Variants in DAB1 observed in about 807,000 individuals in gnomAD.
The protein encoded by DAB1 is disabled homolog 1.
DAB1 carries 15 observed loss-of-function variants against 64.6 expected under a neutral mutation model. The observed-to-expected ratio is 0.23, with a 90% CI of 0.16 to 0.36. The LOEUF is 0.36. Among genes scored for constraint, DAB1 ranks in the 10% least tolerant of loss-of-function variants. The pLI, the probability that DAB1 is intolerant of heterozygous loss-of-function variation, is 1.00. For synonymous variants in DAB1, 235 were observed against 251.9 expected (o/e 0.93, Z 0.64); for missense variants, 596 against 706.7 (o/e 0.84, Z 1.78).
At chr1:58,200,688 T>A (rs976379095) in intron 4 of DAB1, among the ~76,000 whole-genome samples, 2 of 152,174 alleles carry the variant, frequency 1.3e-5, no homozygotes, top group African/African-American at 4.8e-5. Flanking sequence ...TTCAATTGAT[T>A]TTTTTTACAT....
chr1:58,047,649 T>C (rs1385420191), intron 5 of DAB1, among the ~76,000 whole-genome samples: 1 of 152,204 alleles, frequency 6.6e-6, no homozygotes, highest in East Asian at 1.9e-4. Context: ...AGTAATCACA[T>C]TGAATTACAG....
chr1:58,087,930 G>A (rs1307115321), intron 5 of DAB1, among the ~76,000 whole-genome samples: 1 of 152,186 alleles, frequency 6.6e-6, no homozygotes, highest in African/African-American at 2.4e-5. Flanking sequence ...TATGAATTAA[G>A]TATAGTTCCT....
At chr1:57,212,525 G>C (rs1020321091) in intron 2 of DAB1, among the ~76,000 whole-genome samples, 2 of 151,414 alleles carry the variant, frequency 1.3e-5, no homozygotes, top group South Asian at 2.1e-4. Flanking sequence ...CTGCCACCAC[G>C]CCTGGCTAAC....
intron 4 of DAB1, among the ~76,000 whole-genome samples, chr1:58,185,732 G>A (rs1218145673): frequency 6.6e-6 from 1 of 152,120 alleles, no homozygotes; most frequent in Non-Finnish European, 1.5e-5. Flanking sequence ...TGCCTAGATA[G>A]GCCACCCTCA....
intron 6 of DAB1, among the ~76,000 whole-genome samples, chr1:57,684,860 A>G (rs1435272602): frequency 6.6e-6 from 1 of 152,206 alleles, no homozygotes; most frequent in Non-Finnish European, 1.5e-5. Flanking sequence ...GCTGTTTCCC[A>G]TGTAATTATA....
rs767187448 is a variant in DAB1 at position 57,023,602 on chromosome 1, G to A, written c.824C>T (p.Ser275Leu). ...TGCACTCGCTGGAAGGGTCTGAGAT[G>A]AAGATGGGATAAAGGCATCACCTGG... ...ATPGDAFIPS[S>L]SQTLPASADV... The change falls in exon 11 of 15, where the codon TCA (serine) becomes TTA (leucine). Residue 275 changes from serine to leucine, a missense_variant. Ser to Leu is a moderately radical substitution (Grantham distance 145). This residue lies in a region of DAB1 where 377 missense variants were observed against 400.4 expected (regional missense o/e 0.94). Coordinates refer to ENST00000371236, the MANE Select transcript of DAB1 (RefSeq NM_001365792.1). 2 of 1,612,704 alleles carry A rather than the reference G, an allele frequency of 1.2e-6. No homozygotes were observed. The highest frequency in any genetic ancestry group is 2.2e-5 in the South Asian group (2 of 90,398).
At chr1:58,117,211 C>T (rs1652391525) in intron 5 of DAB1, among the ~76,000 whole-genome samples, 1 of 152,178 alleles carries the variant, frequency 6.6e-6, no homozygotes, top group African/African-American at 2.4e-5. Flanking sequence ...AGAGGCTTCC[C>T]TGCCTACCAA....
intron 4 of DAB1, among the ~76,000 whole-genome samples, chr1:57,116,480 A>AAAAAAAG (rs1553144211): frequency 2.3e-5 from 3 of 131,304 alleles, no homozygotes; most frequent in Non-Finnish European, 3.1e-5. Flanking sequence ...AAAAAAAAAA[A>AAAAAAAG]AAAGAAAGAA....
At chr1:57,196,752 T>C (rs2100242658) in intron 2 of DAB1, among the ~76,000 whole-genome samples, 1 of 152,346 alleles carries the variant, frequency 6.6e-6, no homozygotes, top group East Asian at 1.9e-4. Flanking sequence ...TATACGATAA[T>C]AAGTGAAGAA....
At chr1:57,929,018 G>A (rs74802322) in intron 5 of DAB1, among the ~76,000 whole-genome samples, 1 of 152,142 alleles carries the variant, frequency 6.6e-6, no homozygotes, top group African/African-American at 2.4e-5. Flanking sequence ...ACTGCCAAGC[G>A]GGCTTCCAAA....
At chr1:57,310,054 G>A (rs777284615) in intron 1 of DAB1, among the ~76,000 whole-genome samples, 9 of 152,196 alleles carry the variant, frequency 5.9e-5, no homozygotes, top group Non-Finnish European at 1.2e-4. Flanking sequence ...ACTGCCAGCT[G>A]TTTACCATAC....
intron 4 of DAB1, among the ~76,000 whole-genome samples, chr1:57,094,259 A>G (rs569403102): frequency 6.6e-6 from 1 of 152,232 alleles, no homozygotes; most frequent in East Asian, 1.9e-4. Flanking sequence ...GCTACCAGCC[A>G]GGCACATAGC....
chr1:58,383,998 C>T (rs996727301), intron 3 of DAB1, among the ~76,000 whole-genome samples: 1 of 151,776 alleles, frequency 6.6e-6, no homozygotes, highest in South Asian at 2.1e-4. Flanking sequence ...TTCTAACTAA[C>T]AGTGGACAAG....
downstream of DAB1, among the ~76,000 whole-genome samples, chr1:57,823,012 T>C (rs1266595657): frequency 7.3e-6 from 1 of 137,050 alleles, no homozygotes; most frequent in Admixed American, 7.8e-5. Context: ...TGAGATGGAG[T>C]CTCACTCTGT....
chr1:57,544,193 G>A (rs1644832612), intron 7 of DAB1, among the ~76,000 whole-genome samples: 1 of 152,168 alleles, frequency 6.6e-6, no homozygotes, highest in African/African-American at 2.4e-5. Context: ...ATGCATTTAT[G>A]TCTGACATAA....
At chr1:57,129,713 T>A (rs771334671) in intron 4 of DAB1, among the ~76,000 whole-genome samples, 2 of 152,082 alleles carry the variant, frequency 1.3e-5, no homozygotes, top group African/African-American at 4.8e-5. Flanking sequence ...CGCAAATGTG[T>A]GGGTTAGTTC....
At chr1:57,229,314 C>G (rs189629021) in intron 2 of DAB1, among the ~76,000 whole-genome samples, 195 of 151,894 alleles carry the variant, frequency 1.3e-3, no homozygotes, top group African/African-American at 4.5e-3. Context: ...CCCATCTCAG[C>G]CGCCAGAGTA....
At chr1:57,760,043 C>A (rs1348740524) in intron 6 of DAB1, among the ~76,000 whole-genome samples, 1 of 152,016 alleles carries the variant, frequency 6.6e-6, no homozygotes, top group South Asian at 2.1e-4. Context: ...CGGAAGGAAG[C>A]GATTCTCCAC....
At chr1:57,852,425 C>T (rs906924152) in intron 1 of DAB1, among the ~76,000 whole-genome samples, 2 of 152,180 alleles carry the variant, frequency 1.3e-5, no homozygotes, top group Non-Finnish European at 1.5e-5. Flanking sequence ...CACAGCTCCA[C>T]ATATTTCTCA....
Sources: gnomAD v4.1 joint callset for allele counts (sites outside exome capture counted in the v4.1 genomes callset) on GRCh38, gnomAD v4.1.1 for gene constraint, gnomAD v4.1.1 regional missense constraint, MANE v1.5 for transcripts, NCBI Gene and HGNC (gene_info 2026-07-23, HGNC 2026-07-21) for gene names.